Variants in PCBP3 observed in about 807,000 individuals in gnomAD.
PCBP3 encodes the protein poly(rC) binding protein 3, also known as poly(rC)-binding protein 3.
PCBP3 carries 25 observed loss-of-function variants against 52.7 expected under a neutral mutation model. That is an observed-to-expected ratio of 0.47 (90% CI 0.35 to 0.66). The LOEUF (loss-of-function observed/expected upper bound fraction) is 0.66. PCBP3 is among the 30% of genes least tolerant of loss of function. The probability of loss-of-function intolerance (pLI) is 0.01; values close to 1 mark genes in which losing one functional copy is unlikely to be tolerated. For synonymous variants in PCBP3, 162 were observed against 183.0 expected, an observed-to-expected ratio of 0.89 and a Z score of 0.93; for missense variants, 391 against 490.3, an observed-to-expected ratio of 0.80 and a Z score of 1.91.
In PCBP3 at chr21:45,904,907, A is replaced by T. The variant is rs1266302458; in HGVS notation, c.339+3794A>T. 1.3e-5 allele frequency among the ~76,000 whole-genome samples: 2 copies of T among 152,144 alleles called. No individual in the cohort carries two copies. Among genetic ancestry groups the T allele is most frequent in the Non-Finnish European group, 2.9e-5 (2 of 68,032 alleles). On this transcript the variant is annotated intron_variant, in intron 9 of 17. Coordinates refer to ENST00000681687, the MANE Select transcript of PCBP3 (RefSeq NM_001384156.1). This position sits in a 1 kb window ranked among gnomAD's most constrained non-coding sequence, Gnocchi z 4.8. ...CCACCAGTGTTGACTGGAGATATTCATCCAGTCTTTGTAAAGCTTTCCCAC... is the reference window on the plus strand; with the variant it reads ...CCACCAGTGTTGACTGGAGATATTCTTCCAGTCTTTGTAAAGCTTTCCCAC...
At chr21:45,825,149 A>G (rs2093273561) in intron 4 of PCBP3, among the ~76,000 whole-genome samples, 1 of 151,806 alleles carries the variant, frequency 6.6e-6, no homozygotes, top group Non-Finnish European at 1.5e-5. Context: ...TGTGATGCCA[A>G]GCCCTTGCTC....
chr21:45,881,366 C>T (rs955467425), intron 5 of PCBP3, among the ~76,000 whole-genome samples: 1 of 152,218 alleles, frequency 6.6e-6, no homozygotes, highest in African/African-American at 2.4e-5. Context: ...TCCATCACCT[C>T]ACATACCTTT....
At chr21:45,841,827 A>G (rs1229186605) in intron 4 of PCBP3, among the ~76,000 whole-genome samples, 2 of 152,188 alleles carry the variant, frequency 1.3e-5, no homozygotes, top group African/African-American at 4.8e-5. Flanking sequence ...ACGGTGAAAT[A>G]TGTTTGAGGC....
intron 4 of PCBP3, among the ~76,000 whole-genome samples, chr21:45,814,603 ATGAGTGG>A (rs1350351391): frequency 3.1e-4 from 22 of 71,938 alleles, no homozygotes; most frequent in Admixed American, 9.0e-4. Context: ...TGAGTGAGTG[ATGAGTGG>A]TGAGTGGTGA....
intron 4 of PCBP3, among the ~76,000 whole-genome samples, chr21:45,772,809 T>G (rs193153843): frequency 7.9e-4 from 120 of 152,342 alleles, no homozygotes; most frequent in African/African-American, 2.8e-3. Context: ...TGGTTTTGAT[T>G]TGCGTTTCTC....
At chr21:45,911,176 G>A (rs555981003) in intron 11 of PCBP3, 146 bp downstream of exon 11, 35 of 929,406 alleles carry the variant, frequency 3.8e-5, no homozygotes, top group African/African-American at 9.7e-5. Context: ...CAGCCTGAGC[G>A]AGAGCGGTGC....
At chr21:45,683,904 C>T (rs548756690) in intron 2 of PCBP3, among the ~76,000 whole-genome samples, 4 of 150,408 alleles carry the variant, frequency 2.7e-5, no homozygotes, top group Non-Finnish European at 4.4e-5. Flanking sequence ...CCAGCCTGGG[C>T]GACAGCGAGA....
intron 13 of PCBP3, among the ~76,000 whole-genome samples, chr21:45,926,362 T>G (rs2075408520): frequency 6.6e-6 from 1 of 152,244 alleles, no homozygotes; most frequent in Non-Finnish European, 1.5e-5. Flanking sequence ...TGTTACTGGT[T>G]TGTGTATTAC....
At chr21:45,743,175 A>AT (rs908648343) in intron 3 of PCBP3, among the ~76,000 whole-genome samples, 3 of 151,842 alleles carry the variant, frequency 2.0e-5, no homozygotes, top group Admixed American at 6.6e-5. Context: ...TGTAATTGGG[A>AT]TTTTTCCCAT....
intron 13 of PCBP3, among the ~76,000 whole-genome samples, chr21:45,925,740 T>C (rs1214856449): frequency 1.3e-5 from 2 of 152,220 alleles, no homozygotes; most frequent in Admixed American, 6.5e-5. Context: ...ACTCATTACA[T>C]GTTGATAGAA....
intron 2 of PCBP3, among the ~76,000 whole-genome samples, chr21:45,670,473 T>G (rs569455844): frequency 5.3e-4 from 80 of 152,326 alleles, no homozygotes; most frequent in African/African-American, 1.7e-3. Context: ...TTGCAGAATA[T>G]TTTGAGGAAT....
intron 4 of PCBP3, among the ~76,000 whole-genome samples, chr21:45,783,038 T>A (rs965653144): frequency 6.6e-6 from 1 of 152,216 alleles, no homozygotes; most frequent in Non-Finnish European, 1.5e-5. Context: ...GCAACCACTT[T>A]CCTCCATAAT....
chr21:45,677,116 C>T (rs897035025), intron 2 of PCBP3, among the ~76,000 whole-genome samples: 1 of 152,162 alleles, frequency 6.6e-6, no homozygotes, highest in African/African-American at 2.4e-5. Flanking sequence ...GTGAGGAAGG[C>T]ATGTTGAAAT....
At chr21:45,759,866 A>G (rs2088455540) in intron 4 of PCBP3, 1 of 152,250 alleles carries the variant, frequency 6.6e-6, no homozygotes, top group Non-Finnish European at 1.5e-5. Context: ...AAAGACAAGT[A>G]CAAGATCTTA....
rs1328676278 is a variant in PCBP3, at chr21:45,805,547, A to T, written c.-125-44414A>T. Reference sequence around the variant, plus strand: ...CGAGGTGCTCAGAGGCCTTGTGGGCAGTGTGGCAGAACGGCACATACAGGT... The same window carrying T: ...CGAGGTGCTCAGAGGCCTTGTGGGCTGTGTGGCAGAACGGCACATACAGGT... On this transcript the variant is annotated intron_variant, in intron 4 of 17. Transcript: ENST00000681687. This position sits in a 1 kb window ranked among gnomAD's most constrained non-coding sequence, Gnocchi z 4.6. Among the ~76,000 whole-genome samples, 1 of 152,198 alleles carries T rather than the reference A, an allele frequency of 6.6e-6. No homozygotes were observed. The highest frequency in any genetic ancestry group is 2.4e-5 in the African/African-American group (1 of 41,466).
rs1050029299 is a variant in PCBP3, at chr21:45,917,298, C to T, written c.676-290C>T. 2.8e-4 allele frequency: 106 copies of T among 372,898 alleles called. No individual in the cohort carries two copies. The highest frequency in any genetic ancestry group is 1.8e-4 in the Non-Finnish European group (36 of 205,000). 23.1% of individuals were successfully genotyped at this position (372,898 alleles called of 1,614,324 possible). On this transcript the variant is annotated intron_variant, in intron 12 of 17. Transcript: ENST00000681687. This position sits in a 1 kb window ranked among gnomAD's most constrained non-coding sequence, Gnocchi z 5.3. ...TTACTGGGCAGATCACTCTTCGATT[C>T]TTTTGCTTTAAGAAACTTGGAGTCG...
chr21:45,879,545 A>G (rs2095350983), intron 5 of PCBP3, among the ~76,000 whole-genome samples: 1 of 152,224 alleles, frequency 6.6e-6, no homozygotes, highest in African/African-American at 2.4e-5. Context: ...GATGTTCCCC[A>G]AGGCAGGTCA....
intron 1 of PCBP3, among the ~76,000 whole-genome samples, chr21:45,662,438 G>C (rs1276219699): frequency 6.6e-6 from 1 of 151,492 alleles, no homozygotes; most frequent in Non-Finnish European, 1.5e-5. Context: ...TGCTTTTGAG[G>C]TCTTAGTCAT....
At chr21:45,659,530 T>C (rs2080248260) in intron 1 of PCBP3, among the ~76,000 whole-genome samples, 1 of 151,984 alleles carries the variant, frequency 6.6e-6, no homozygotes, top group Non-Finnish European at 1.5e-5. Context: ...TTTAATTTTT[T>C]GTGAGACACA....
Sources: gnomAD v4.1 joint callset for allele counts (sites outside exome capture counted in the v4.1 genomes callset) on GRCh38, gnomAD v4.1.1 for gene constraint, Gnocchi (gnomAD v3.1) non-coding constraint, MANE v1.5 for transcripts, NCBI Gene and HGNC (gene_info 2026-07-23, HGNC 2026-07-21) for gene names.